The following ZNF100 variants were observed in gnomAD, a reference collection of about 807,000 sequenced individuals.
ZNF100 encodes the protein zinc finger protein 100.
In ZNF100, 12 loss-of-function variants were observed where a neutral mutation model predicts 15.8. The observed-to-expected ratio is 0.76, with a 90% CI of 0.49 to 1.23. The LOEUF (loss-of-function observed/expected upper bound fraction) is 1.23. Among genes scored for constraint, ZNF100 ranks in the 50% most tolerant of loss-of-function variants. The pLI is 0.00. For missense variants in ZNF100, 670 were observed against 635.6 expected (o/e 1.05, Z -0.58); for synonymous variants, 226 against 214.8 (o/e 1.05, Z -0.45).
chr19:21,728,740 T>C (rs1418754451), intron 4 of ZNF100, among the ~76,000 whole-genome samples: 1 of 151,984 alleles, frequency 6.6e-6, no homozygotes, highest in East Asian at 1.9e-4. Context: ...GATTACAATG[T>C]ATACAAAATA....
At position 21,767,519 on chromosome 19, in the gene ZNF100, C is replaced by G; in HGVS notation, c.-90G>C. 1 of 1,573,834 alleles carries G rather than the reference C, an allele frequency of 6.4e-7. No homozygotes were observed. The highest frequency in any genetic ancestry group is 8.7e-7 in the Non-Finnish European group (1 of 1,154,578). On this transcript the variant is annotated 5_prime_UTR_variant, in exon 1 of 5. Transcript: ENST00000358296. ...GCCACACAGGCTAGGCCCCTAGGAG[C>G]AGAAGACACAGAGAAGTGAGAGCAA... is the stretch of plus-strand genomic sequence containing the variant.
chr19:21,754,094 T>C (rs764912345), intron 2 of ZNF100, among the ~76,000 whole-genome samples: 1 of 152,178 alleles, frequency 6.6e-6, no homozygotes, highest in Non-Finnish European at 1.5e-5. Context: ...ATCTTGCTTA[T>C]AAACAAAGCA....
At position 21,727,661 on chromosome 19, in the gene ZNF100, A is replaced by G. The variant is rs2035833236; in HGVS notation, c.651T>C (p.Leu217=). 1 of 1,612,918 alleles carries G rather than the reference A, an allele frequency of 6.2e-7. No homozygotes were observed. The highest frequency in any genetic ancestry group is 8.5e-7 in the Non-Finnish European group (1 of 1,179,650). The change falls in exon 5 of 5, where the codon CTT becomes CTC. Residue 217 remains leucine, a synonymous_variant. Coordinates refer to ENST00000358296, the MANE Select transcript of ZNF100 (RefSeq NM_173531.4). ...ATCTTTTATGTTGAGTTAGGTGTAA[A>G]AGCATGCAAAATGATTTTTCACATT... ...CKKCEKSFCM[L]LHLTQHKRFH...
rs190689975 is a variant in ZNF100 at position 21,735,480 on chromosome 19, G to A, written c.323-7491C>T. On this transcript the variant is annotated intron_variant, in intron 4 of 4. Coordinates refer to ENST00000358296, the MANE Select transcript of ZNF100 (RefSeq NM_173531.4). ...CTGCACTCCAGACTCCAGCCTGGGC[G>A]ACCGTGTAAGACTCTGTCTCAAAAA... Among the ~76,000 whole-genome samples the A allele has an allele frequency of 3.3e-3, 462 of 139,464 alleles. 2 individuals are homozygous for A. The highest frequency in any genetic ancestry group is 0.025 in the South Asian group (107 of 4,240). 91.5% of individuals were successfully genotyped at this position (139,464 alleles called of 152,430 possible).
intron 4 of ZNF100, chr19:21,743,012 G>C (rs1278664541): frequency 6.6e-6 from 1 of 152,150 alleles, no homozygotes; most frequent in Non-Finnish European, 1.5e-5. Flanking sequence ...GGCAGATCAA[G>C]AGGTCAACAG....
chr19:21,737,842 G>A (rs1599384294), intron 4 of ZNF100, among the ~76,000 whole-genome samples: 1 of 152,136 alleles, frequency 6.6e-6, no homozygotes, highest in Non-Finnish European at 1.5e-5. Flanking sequence ...CATTTTAAAT[G>A]AAAGAAAAGT....
At chr19:21,746,932 G>T (rs1310576145) in intron 2 of ZNF100, 1 of 152,144 alleles carries the variant, frequency 6.6e-6, no homozygotes, top group Non-Finnish European at 1.5e-5. Context: ...TGCCTTAAAT[G>T]TGTCAGCACC....
rs368185825 is a variant in ZNF100, at chr19:21,727,015, C to G, written c.1297G>C (p.Glu433Gln). Residue 433 changes from glutamate to glutamine, a missense_variant, in exon 5 of 5, where the codon GAA (glutamate) becomes CAA (glutamine). By Grantham distance (29) the Glu-to-Gln change is conservative (BLOSUM62 2). Transcript: ENST00000358296. Reference sequence around the variant, plus strand: ...GACTCATTAAAAGCTTTGCCACATTCTTCACATTTGTAGGGTTTCTCTCCA... The same window carrying G: ...GACTCATTAAAAGCTTTGCCACATTGTTCACATTTGTAGGGTTTCTCTCCA... ...HTGEKPYKCEECGKAFNESSN... is the reference protein window; with the variant it reads ...HTGEKPYKCEQCGKAFNESSN... 19 of 1,613,508 alleles carry G rather than the reference C, an allele frequency of 1.2e-5. No individual in the cohort carries two copies. The highest frequency in any genetic ancestry group is 6.6e-5 in the South Asian group (6 of 91,056).
At position 21,726,674 on chromosome 19, in the gene ZNF100, C is replaced by T; in HGVS notation, c.*9G>A. On this transcript the variant is annotated 3_prime_UTR_variant, in exon 5 of 5. Transcript: ENST00000358296. ...AGTTGAGGACTGGTAAAAGGCTTTGCCACATTTTTCACATTTGTAGGGTTT... is the reference window on the plus strand; with the variant it reads ...AGTTGAGGACTGGTAAAAGGCTTTGTCACATTTTTCACATTTGTAGGGTTT... 6.2e-7 allele frequency: 1 copy of T among 1,600,532 alleles called. No homozygotes were observed. The highest frequency in any genetic ancestry group is 8.5e-7 in the Non-Finnish European group (1 of 1,174,564).
At chr19:21,754,550 T>A (rs35441629) in intron 2 of ZNF100, among the ~76,000 whole-genome samples, 12,285 of 152,160 alleles carry the variant, frequency 0.081, 624 homozygotes, top group South Asian at 0.18. Context: ...GATCTTCTGT[T>A]AAGTAAATGG....
At chr19:21,754,770 C>A (rs34387769) in intron 2 of ZNF100, among the ~76,000 whole-genome samples, 3 of 151,928 alleles carry the variant, frequency 2.0e-5, no homozygotes, top group African/African-American at 7.3e-5. Flanking sequence ...CAAAAGGAAT[C>A]GCAACAAAAG....
At chr19:21,763,902 T>G (rs1239117392) in intron 2 of ZNF100, among the ~76,000 whole-genome samples, 1 of 152,186 alleles carries the variant, frequency 6.6e-6, no homozygotes, top group Non-Finnish European at 1.5e-5. Flanking sequence ...AATACTTTTT[T>G]GGAATTCAAA....
At chr19:21,766,807 C>T (rs984265344) in intron 1 of ZNF100, among the ~76,000 whole-genome samples, 1 of 151,934 alleles carries the variant, frequency 6.6e-6, no homozygotes, top group South Asian at 2.1e-4. Context: ...GCCTGGCCAA[C>T]GAGGTGAAAC....
chr19:21,736,610 A>G (rs2036012832), intron 4 of ZNF100, among the ~76,000 whole-genome samples: 1 of 152,266 alleles, frequency 6.6e-6, no homozygotes, highest in Non-Finnish European at 1.5e-5. Context: ...TCTAATTGCC[A>G]CATGGCACTT....
At chr19:21,766,670 A>T (rs558631899) in intron 1 of ZNF100, among the ~76,000 whole-genome samples, 2 of 152,256 alleles carry the variant, frequency 1.3e-5, no homozygotes, top group East Asian at 3.9e-4. Context: ...CCATAGCTGG[A>T]TACTCTATGA....
chr19:21,760,581 A>ATT (rs200730962), intron 2 of ZNF100, among the ~76,000 whole-genome samples: 1 of 148,832 alleles, frequency 6.7e-6, no homozygotes, highest in Non-Finnish European at 1.5e-5. Flanking sequence ...TTCCTTGTCA[A>ATT]TTTTTTTTTT....
At chr19:21,767,096 T>C (rs951824192) in intron 1 of ZNF100, among the ~76,000 whole-genome samples, 2 of 152,226 alleles carry the variant, frequency 1.3e-5, no homozygotes, top group East Asian at 1.9e-4. Flanking sequence ...TTCCCATTCA[T>C]GAACCCGCAC....
At chr19:21,760,204 C>T (rs1322062279) in intron 2 of ZNF100, among the ~76,000 whole-genome samples, 1 of 145,458 alleles carries the variant, frequency 6.9e-6, no homozygotes, top group Admixed American at 7.0e-5. Context: ...AAGGAAATTG[C>T]TATTATTCTA....
chr19:21,751,077 G>A, intron 2 of ZNF100: 1 of 1,435,508 alleles, frequency 7.0e-7, no homozygotes, highest in Non-Finnish European at 9.8e-7. Flanking sequence ...TAGCTTTGGA[G>A]TCAAACCCTT....
Sources: gnomAD v4.1 joint callset for allele counts (sites outside exome capture counted in the v4.1 genomes callset) on GRCh38, gnomAD v4.1.1 for gene constraint, MANE v1.5 for transcripts, NCBI Gene and HGNC (gene_info 2026-07-23, HGNC 2026-07-21) for gene names.